ZBTB7C: variants seen among roughly 807,000 people sequenced by gnomAD.
The protein encoded by ZBTB7C is zinc finger and BTB domain containing 7C, also known as zinc finger and BTB domain-containing protein 7C.
In ZBTB7C, 8 loss-of-function variants were observed where a neutral mutation model predicts 25.7. That is an observed-to-expected ratio of 0.31 (90% confidence interval 0.18 to 0.56). The LOEUF (loss-of-function observed/expected upper bound fraction) is 0.56. Among genes scored for constraint, ZBTB7C ranks in the 20% least tolerant of loss-of-function variants. The probability of loss-of-function intolerance (pLI) is 0.91; values close to 1 mark genes in which losing one functional copy is unlikely to be tolerated. For missense variants in ZBTB7C, 824 were observed against 855.2 expected (o/e 0.96, Z 0.46); for synonymous variants, 394 against 369.0 (o/e 1.07, Z -0.78).
intron 1 of ZBTB7C, among the ~76,000 whole-genome samples, chr18:48,340,459 C>T (rs2046572553): frequency 6.6e-6 from 1 of 152,170 alleles, no homozygotes. Flanking sequence ...GCTCTTTGTC[C>T]CAGGCTGTCC....
chr18:48,037,175 T>C (rs1345555154), intron 4 of ZBTB7C, among the ~76,000 whole-genome samples: 1 of 151,990 alleles, frequency 6.6e-6, no homozygotes, highest in African/African-American at 2.4e-5. Flanking sequence ...TTCGGGAGGG[T>C]CAGAGACCAG....
intron 2 of ZBTB7C, among the ~76,000 whole-genome samples, chr18:48,262,056 C>T (rs529861135): frequency 4.6e-5 from 7 of 152,252 alleles, no homozygotes; most frequent in African/African-American, 1.7e-4. Flanking sequence ...TAGGGATTCA[C>T]ATCCCTAGAA....
intron 3 of ZBTB7C, among the ~76,000 whole-genome samples, chr18:48,182,183 T>G (rs1239163139): frequency 7.7e-6 from 1 of 130,344 alleles, no homozygotes; most frequent in Non-Finnish European, 1.7e-5. Context: ...GAAATGAGAT[T>G]TTTTTTCATT....
At chr18:48,079,463 A>G (rs2037898500) in intron 3 of ZBTB7C, among the ~76,000 whole-genome samples, 1 of 152,264 alleles carries the variant, frequency 6.6e-6, no homozygotes, top group Non-Finnish European at 1.5e-5. Context: ...ACAAAGTGTC[A>G]GAATAAATGG....
chr18:48,273,313 A>G (rs1179853302), intron 2 of ZBTB7C, among the ~76,000 whole-genome samples: 1 of 152,170 alleles, frequency 6.6e-6, no homozygotes, highest in Non-Finnish European at 1.5e-5. Flanking sequence ...GATTTATTAG[A>G]AAACTCAGTA....
intron 2 of ZBTB7C, among the ~76,000 whole-genome samples, chr18:48,241,487 A>G (rs967450830): frequency 3.6e-4 from 55 of 152,298 alleles, no homozygotes; most frequent in African/African-American, 1.3e-3. Flanking sequence ...TTAAGAAAAC[A>G]GAAATGATAT....
chr18:48,209,738 G>C (rs1468282961), intron 2 of ZBTB7C, among the ~76,000 whole-genome samples: 1 of 149,608 alleles, frequency 6.7e-6, no homozygotes, highest in Non-Finnish European at 1.5e-5. Context: ...CTGGGCAACA[G>C]AACAAGATCT....
Position 48,040,645 on chromosome 18 carries a change from CT to C in ZBTB7C, c.462del (p.Glu155ArgfsTer67). 6.2e-7 allele frequency: 1 copy of C among 1,613,522 alleles called. No homozygotes were observed. The highest frequency in any genetic ancestry group is 8.5e-7 in the Non-Finnish European group (1 of 1,179,662). ...TCCTCCTCCTCTTCCTCCTCCTCCT[CT>C]TCGTCCTCCTCATCATCATCATCTT... ...DDEDDDDEEDEEEEEEEEEDD... is the reference protein window; with the variant it reads ...DDEDDDDEEDXEEEEEEEEDD... On this transcript the variant is annotated frameshift_variant, in exon 4 of 5. Coordinates refer to ENST00000590800, the MANE Select transcript of ZBTB7C (RefSeq NM_001318841.2). LOFTEE classifies it high-confidence loss of function.
chr18:48,335,155 G>A (rs993409273), intron 2 of ZBTB7C, among the ~76,000 whole-genome samples: 23 of 152,234 alleles, frequency 1.5e-4, no homozygotes, highest in African/African-American at 5.3e-4. Flanking sequence ...GGCCTGCAAA[G>A]TGGCCCGGTT....
chr18:48,030,802 G>C (rs548106183), intron 4 of ZBTB7C, among the ~76,000 whole-genome samples: 2 of 152,354 alleles, frequency 1.3e-5, no homozygotes, highest in African/African-American at 4.8e-5. Flanking sequence ...ACCTGGGTCT[G>C]TGTGAGCTAG....
chr18:48,353,780 G>A (rs770046660), intron 1 of ZBTB7C, among the ~76,000 whole-genome samples: 1 of 152,112 alleles, frequency 6.6e-6, no homozygotes, highest in Non-Finnish European at 1.5e-5. Flanking sequence ...TGATAACCTC[G>A]TGGTTGATAC....
At chr18:48,260,065 T>C (rs1019851123) in intron 2 of ZBTB7C, among the ~76,000 whole-genome samples, 1 of 152,272 alleles carries the variant, frequency 6.6e-6, no homozygotes, top group African/African-American at 2.4e-5. Flanking sequence ...TGAATGTTCA[T>C]AGAAACTTTA....
At chr18:48,383,483 C>G (rs1470112988) in intron 1 of ZBTB7C, among the ~76,000 whole-genome samples, 3 of 152,056 alleles carry the variant, frequency 2.0e-5, no homozygotes, top group Non-Finnish European at 1.5e-5. Flanking sequence ...CCAGGCTGGT[C>G]TCGAACTCCT....
chr18:48,093,179 G>A (rs1418624179), intron 3 of ZBTB7C, among the ~76,000 whole-genome samples: 1 of 152,222 alleles, frequency 6.6e-6, no homozygotes, highest in African/African-American at 2.4e-5. Flanking sequence ...ACTAGGGTAA[G>A]GGAGCTGGGC....
At chr18:48,089,239 C>T (rs918253595) in intron 3 of ZBTB7C, among the ~76,000 whole-genome samples, 3 of 151,762 alleles carry the variant, frequency 2.0e-5, no homozygotes, top group East Asian at 1.9e-4. Flanking sequence ...GAGGCTGAGG[C>T]GGGTGGATCA....
In ZBTB7C at chr18:48,036,534, A is replaced by G. The variant is rs143886314; in HGVS notation, c.1208+3366T>C. On this transcript the variant is annotated intron_variant, in intron 4 of 4. Coordinates refer to ENST00000590800, the MANE Select transcript of ZBTB7C (RefSeq NM_001318841.2). ...CTTCCCAACATCAAGGAGGGAGGAA[A>G]TGGGGCTTTGCCAGGGCAGAAGCTC... is the stretch of plus-strand genomic sequence containing the variant. 4.6e-5 allele frequency among the ~76,000 whole-genome samples: 7 copies of G among 152,304 alleles called. No individual in the cohort carries two copies. The East Asian group carries it at 1.2e-3, about 25-fold the overall frequency.
chr18:48,068,810 A>G (rs997491160), intron 3 of ZBTB7C, among the ~76,000 whole-genome samples: 1 of 152,210 alleles, frequency 6.6e-6, no homozygotes, highest in Non-Finnish European at 1.5e-5. Flanking sequence ...AGCTCTGAGC[A>G]TGGACCACCT....
chr18:48,229,109 C>T (rs992206314), intron 2 of ZBTB7C, among the ~76,000 whole-genome samples: 2 of 152,122 alleles, frequency 1.3e-5, no homozygotes, highest in African/African-American at 4.8e-5. Flanking sequence ...CCGCTCAAAT[C>T]TCATCAAAAT....
At chr18:48,363,831 A>G (rs1340678517) in intron 1 of ZBTB7C, among the ~76,000 whole-genome samples, 1 of 151,966 alleles carries the variant, frequency 6.6e-6, no homozygotes, top group Non-Finnish European at 1.5e-5. Flanking sequence ...TGTCTTTTTA[A>G]ACATCCCACC....
Sources: allele counts gnomAD v4.1 joint callset (sites outside exome capture counted in the v4.1 genomes callset), GRCh38; gene constraint gnomAD v4.1.1; transcripts MANE v1.5; gene names NCBI Gene and HGNC (gene_info 2026-07-23, HGNC 2026-07-21).